Variants in GPHN observed in about 807,000 individuals in gnomAD.
The protein encoded by GPHN is gephyrin.
GPHN carries 17 observed loss-of-function variants against 95.5 expected under a neutral mutation model. That is an observed-to-expected ratio of 0.18 (90% CI 0.12 to 0.27). The LOEUF (loss-of-function observed/expected upper bound fraction) is 0.27. Among genes scored for constraint, GPHN ranks in the 10% least tolerant of loss-of-function variants. The pLI, the probability that GPHN is intolerant of heterozygous loss-of-function variation, is 1.00. For missense variants in GPHN, 660 were observed against 978.1 expected (o/e 0.67, Z 4.34); for synonymous variants, 320 against 322.5 (o/e 0.99, Z 0.08).
At chr14:66,721,207 T>C (rs983793233) in intron 2 of GPHN, among the ~76,000 whole-genome samples, 2 of 152,182 alleles carry the variant, frequency 1.3e-5, no homozygotes, top group Non-Finnish European at 2.9e-5. Flanking sequence ...CTTTGGCCTA[T>C]ATCAGATTGT....
the GPHN span, among the ~76,000 whole-genome samples, chr14:67,671,883 A>C: frequency 2.6e-5 from 4 of 152,234 alleles, no homozygotes; most frequent in Non-Finnish European, 5.9e-5. Context: ...TCTCAGGATA[A>C]CAATCTAATC....
At chr14:67,527,083 A>G in the GPHN span, among the ~76,000 whole-genome samples, 4 of 152,182 alleles carry the variant, frequency 2.6e-5, no homozygotes, top group Non-Finnish European at 5.9e-5. Context: ...ATCCCAGGGT[A>G]CTTGTGGCTC....
At chr14:67,619,927 G>T in the GPHN span, 1 of 1,312,578 alleles carries the variant, frequency 7.6e-7, no homozygotes, top group Non-Finnish European at 1.0e-6. Flanking sequence ...CTCACTCCCG[G>T]CTTCCAACCG....
chr14:67,166,364 GC>G (rs1424577114), intron 20 of GPHN, among the ~76,000 whole-genome samples: 16 of 152,196 alleles, frequency 1.1e-4, no homozygotes, highest in African/African-American at 3.9e-4. Context: ...GCCTGGAAGA[GC>G]CTCTTTTGTC....
At chr14:66,909,784 T>A (rs1196145288) in intron 5 of GPHN, among the ~76,000 whole-genome samples, 1 of 150,994 alleles carries the variant, frequency 6.6e-6, no homozygotes, top group African/African-American at 2.4e-5. Flanking sequence ...AAAAAAAAAA[T>A]GATACAAGCA....
intron 1 of GPHN, among the ~76,000 whole-genome samples, chr14:66,600,359 A>G (rs905430478): frequency 6.6e-6 from 1 of 152,080 alleles, no homozygotes; most frequent in Admixed American, 6.5e-5. Flanking sequence ...GCTCTTAACT[A>G]TATATTTGTC....
chr14:66,559,236 T>C (rs574900606), intron 1 of GPHN, among the ~76,000 whole-genome samples: 5 of 152,152 alleles, frequency 3.3e-5, no homozygotes, highest in African/African-American at 9.6e-5. Context: ...TGATTTATAG[T>C]CCTTTGGGTA....
At chr14:66,960,338 A>C (rs567549936) in intron 8 of GPHN, among the ~76,000 whole-genome samples, 4 of 146,452 alleles carry the variant, frequency 2.7e-5, no homozygotes, top group Non-Finnish European at 6.0e-5. Context: ...ATGCTTCATA[A>C]TTTTTTGTTG....
At chr14:67,279,440 A>G in the GPHN span, 1 of 1,613,720 alleles carries the variant, frequency 6.2e-7, no homozygotes, top group Non-Finnish European at 8.5e-7. Flanking sequence ...TTAAGAAACT[A>G]GCCCAAATTC....
chr14:66,817,341 G>A (rs577109678), intron 3 of GPHN, among the ~76,000 whole-genome samples: 1 of 152,138 alleles, frequency 6.6e-6, no homozygotes, highest in South Asian at 2.1e-4. Flanking sequence ...AAGACTTTGT[G>A]CCAATTTATT....
the GPHN span, among the ~76,000 whole-genome samples, chr14:67,214,194 C>A: frequency 1.3e-5 from 2 of 152,158 alleles, no homozygotes; most frequent in Non-Finnish European, 2.9e-5. Flanking sequence ...TCAATTTTGG[C>A]TTTTGTTGCC....
At chr14:66,941,517 G>T (rs1442058043) in intron 8 of GPHN, among the ~76,000 whole-genome samples, 1 of 152,034 alleles carries the variant, frequency 6.6e-6, no homozygotes, top group South Asian at 2.1e-4. Flanking sequence ...TGGAGATCCT[G>T]GGCCTGTTAG....
chr14:66,805,898 G>A (rs1445736436), intron 3 of GPHN, among the ~76,000 whole-genome samples: 1 of 152,128 alleles, frequency 6.6e-6, no homozygotes, highest in East Asian at 1.9e-4. Flanking sequence ...GGGGTCTGGA[G>A]GATGGTGGCC....
intron 1 of GPHN, among the ~76,000 whole-genome samples, chr14:66,609,215 G>T (rs992679835): frequency 6.6e-6 from 1 of 152,012 alleles, no homozygotes; most frequent in Non-Finnish European, 1.5e-5. Flanking sequence ...TTACTTTGGT[G>T]GGATATGAAA....
At chr14:66,667,856 C>A (rs1050214239) in intron 1 of GPHN, among the ~76,000 whole-genome samples, 2 of 152,140 alleles carry the variant, frequency 1.3e-5, no homozygotes, top group African/African-American at 4.8e-5. Flanking sequence ...AAATAGACAA[C>A]CTACACAATG....
chr14:67,006,566 C>A (rs2072625672), intron 9 of GPHN, among the ~76,000 whole-genome samples: 1 of 152,134 alleles, frequency 6.6e-6, no homozygotes, highest in Non-Finnish European at 1.5e-5. Flanking sequence ...AATTCCATAG[C>A]AATCTAGCCC....
intron 10 of GPHN, among the ~76,000 whole-genome samples, chr14:67,027,754 TATA>T (rs1332331168): frequency 4.6e-5 from 7 of 152,284 alleles, no homozygotes; most frequent in South Asian, 4.1e-4. Context: ...TTTATTGATA[TATA>T]ATATTTGTAC....
chr14:67,104,930 A>G (rs1423622024), intron 13 of GPHN, among the ~76,000 whole-genome samples: 4 of 151,776 alleles, frequency 2.6e-5, no homozygotes, highest in African/African-American at 7.3e-5. Context: ...ATATATCACT[A>G]TGTTGTTTCA....
intron 9 of GPHN, among the ~76,000 whole-genome samples, chr14:66,980,203 G>A (rs746107852): frequency 3.9e-5 from 6 of 152,096 alleles, no homozygotes; most frequent in Non-Finnish European, 7.3e-5. Flanking sequence ...CGATAGATTC[G>A]CTTAACACAG....
Sources: allele counts gnomAD v4.1 joint callset (sites outside exome capture counted in the v4.1 genomes callset), GRCh38; gene constraint gnomAD v4.1.1; transcripts MANE v1.5; gene names NCBI Gene and HGNC (gene_info 2026-07-23, HGNC 2026-07-21).